The following COL17A1 variants were observed in gnomAD, a reference collection of about 807,000 sequenced individuals.
COL17A1 encodes the protein collagen alpha-1(XVII) chain.
COL17A1 carries 181 observed loss-of-function variants against 218.4 expected under a neutral mutation model. That is an observed-to-expected ratio of 0.83 (90% CI 0.73 to 0.94). The LOEUF (loss-of-function observed/expected upper bound fraction) is 0.94, where lower values mean the gene tolerates loss of function less well. Ranked by LOEUF, COL17A1 falls within the 40% of genes least tolerant of loss-of-function variation. COL17A1 has a pLI of 0.00. For missense variants in COL17A1, 1,924 were observed against 1,945.9 expected (o/e 0.99, Z 0.21); for synonymous variants, 721 against 731.0 (o/e 0.99, Z 0.22).
In COL17A1 at chr10:104,032,256, T is replaced by A. The variant is rs763164002; in HGVS notation, c.4473A>T (p.Arg1491Ser). ...DQVYAGRRRR[R>S]SIAVKP ...TAGCTCACGGCTTGACAGCAATACT[T>A]CTTCTCCTTCTCCGCCCAGCATAGA... The change falls in exon 56 of 56, where the codon AGA becomes AGT. Residue 1491 changes from arginine to serine, a missense_variant. Arg to Ser is a moderately radical substitution (Grantham distance 110). Transcript: ENST00000648076. 163 of 1,613,870 alleles carry A rather than the reference T, an allele frequency of 1.0e-4. No homozygotes were observed. The highest frequency in any genetic ancestry group is 1.3e-4 in the Admixed American group (8 of 59,972).
chr10:104,035,911 A>AGC (rs1554846981), intron 48 of COL17A1, among the ~76,000 whole-genome samples: 20 of 135,272 alleles, frequency 1.5e-4, no homozygotes, highest in Non-Finnish European at 2.7e-4. Context: ...TGTGTATGGG[A>AGC]GTGTGTATGA....
At chr10:104,061,318 T>A in intron 13 of COL17A1, 87 bp downstream of exon 13, 5 of 1,311,094 alleles carry the variant, frequency 3.8e-6, no homozygotes, top group Non-Finnish European at 5.4e-6. Context: ...ATACCATGTG[T>A]ATTGGAAGGA....
chr10:104,053,745 G>A lies in COL17A1; in HGVS notation c.1834+175C>T, dbSNP rs367807443. Among the ~76,000 whole-genome samples the A allele has an allele frequency of 4.6e-5, 7 of 152,214 alleles. No individual in the cohort carries two copies. The East Asian group carries it at 5.8e-4, about 13-fold the overall frequency. Reference sequence around the variant, plus strand: ...GACTTCACTATTTCTCACAGTTACTGTCTTTCTCCCAAACCCAAATCTCAG... The same window carrying A: ...GACTTCACTATTTCTCACAGTTACTATCTTTCTCCCAAACCCAAATCTCAG... On this transcript the variant is annotated intron_variant, in intron 22 of 55. Coordinates refer to ENST00000648076, the MANE Select transcript of COL17A1 (RefSeq NM_000494.4).
intron 31 of COL17A1, among the ~76,000 whole-genome samples, chr10:104,047,457 C>T (rs1395464108): frequency 1.3e-5 from 2 of 152,174 alleles, no homozygotes; most frequent in Non-Finnish European, 1.5e-5. Flanking sequence ...TTCTGAATTG[C>T]CAGACTTAGT....
intron 9 of COL17A1, among the ~76,000 whole-genome samples, chr10:104,066,531 C>A (rs805710): frequency 6.6e-6 from 1 of 151,922 alleles, no homozygotes; most frequent in Non-Finnish European, 1.5e-5. Flanking sequence ...GGGTTATGCT[C>A]TTTGTTAAAT....
At chr10:104,047,195 A>G (rs1395121976) in intron 31 of COL17A1, among the ~76,000 whole-genome samples, 1 of 151,446 alleles carries the variant, frequency 6.6e-6, no homozygotes, top group East Asian at 2.0e-4. Context: ...CCTTGACCAC[A>G]CAGCTTTCTT....
In COL17A1 at chr10:104,048,088, G is replaced by T; in HGVS notation, c.2244C>A (p.Asp748Glu). The part of the protein sequence containing the change: ...AKGAMGPAGP[D>E]GHQGPRGEQG... ...ACCAACCTCTTGGGCCTTGGTGTCC[G>T]TCTGGGCCAGCAGGACCTGGTAAAG... The change falls in exon 30 of 56, where the codon GAC becomes GAA. Residue 748 changes from aspartate (D) to glutamate (E), a missense_variant. Asp to Glu is a conservative substitution (Grantham distance 45). Transcript: ENST00000648076. 6.2e-7 allele frequency: 1 copy of T among 1,614,206 alleles called. No individual in the cohort carries two copies. The highest frequency in any genetic ancestry group is 8.5e-7 in the Non-Finnish European group (1 of 1,180,032).
chr10:104,057,576 C>T (rs2086542701), intron 16 of COL17A1, among the ~76,000 whole-genome samples: 1 of 151,212 alleles, frequency 6.6e-6, no homozygotes. Flanking sequence ...TCTGACTGGG[C>T]CCAAACCTAG....
intron 35 of COL17A1, among the ~76,000 whole-genome samples, chr10:104,042,898 A>AT (rs2086374764): frequency 6.6e-6 from 1 of 152,222 alleles, no homozygotes; most frequent in Non-Finnish European, 1.5e-5. Context: ...ATGTGTGGGC[A>AT]TTTTATTTTC....
rs138210414 is a variant in COL17A1 at position 104,034,241 on chromosome 10, G to A, written c.3860C>T (p.Ser1287Phe). Residue 1287 changes from serine to phenylalanine, a missense_variant, in exon 52 of 56, where the codon TCC becomes TTC. Transcript: ENST00000648076. ...GGAGGAGCTGCTACCCCGACTGTGG[G>A]AGGCATCCGTGGACAGGAGGCGGCT... ...GDSRLLSTDA[S>F]HSRGSSSSSH... is the part of the protein sequence containing the mutation. The A allele has an allele frequency of 3.1e-6, 5 of 1,610,982 alleles. No individual in the cohort carries two copies. Among genetic ancestry groups the A allele is most frequent in the Middle Eastern group, 1.9e-4 (1 of 5,150 alleles).
intron 45 of COL17A1, among the ~76,000 whole-genome samples, chr10:104,038,195 AG>A (rs1564672520): frequency 6.6e-6 from 1 of 151,224 alleles, no homozygotes; most frequent in African/African-American, 2.4e-5. Context: ...CTGGCTCTGC[AG>A]GGGGAAGACC....
intron 14 of COL17A1, 41 bp downstream of exon 14, chr10:104,060,078 G>A (rs2086568188): frequency 5.0e-6 from 8 of 1,612,840 alleles, no homozygotes; most frequent in African/African-American, 2.7e-5. Context: ...TACACTATTT[G>A]GCTTTCTTCT....
At chr10:104,077,019 C>T (rs755023742) in intron 4 of COL17A1, among the ~76,000 whole-genome samples, 58 of 152,244 alleles carry the variant, frequency 3.8e-4, no homozygotes, top group South Asian at 2.1e-4. Flanking sequence ...AAGTTTCTTT[C>T]GTTGTTAATT....
chr10:104,068,365 A>C (rs1162645791), intron 9 of COL17A1, among the ~76,000 whole-genome samples: 1 of 152,244 alleles, frequency 6.6e-6, no homozygotes, highest in Non-Finnish European at 1.5e-5. Context: ...ACCCCATTAC[A>C]TAATGGGATG....
rs766412954 is a variant in COL17A1 at position 104,058,139 on chromosome 10, C to T, written c.1267+7G>A. ...CTGTCACTGCAGGGTTCGCGGTTCT[C>T]ACCCACCTGCAGTGGTGGTCTTGCC... On this transcript the variant is annotated splice_region_variant and intron_variant, in intron 16 of 55. Transcript: ENST00000648076. The T allele has an allele frequency of 1.2e-6, 2 of 1,614,210 alleles. No homozygotes were observed. Among genetic ancestry groups the T allele is most frequent in the Non-Finnish European group, 1.7e-6 (2 of 1,180,048 alleles).
At chr10:104,064,298 G>T (rs976110552) in intron 10 of COL17A1, 140 bp downstream of exon 10, 1 of 1,370,836 alleles carries the variant, frequency 7.3e-7, no homozygotes, top group South Asian at 1.3e-5. Context: ...GTTCCAGGGG[G>T]AATCTCCTGG....
At chr10:104,081,005 C>A (rs2086760198) in intron 1 of COL17A1, among the ~76,000 whole-genome samples, 1 of 152,192 alleles carries the variant, frequency 6.6e-6, no homozygotes. Flanking sequence ...GACTATAAAA[C>A]CTCCATTCTT....
At chr10:104,077,229 C>T (rs1406177208) in intron 4 of COL17A1, among the ~76,000 whole-genome samples, 193 bp downstream of exon 4, 3 of 152,158 alleles carry the variant, frequency 2.0e-5, no homozygotes, top group Non-Finnish European at 2.9e-5. Context: ...GGTCTCCAGC[C>T]CTGCTGCCCA....
At chr10:104,038,320 T>A (rs997960042) in intron 45 of COL17A1, 86 bp downstream of exon 45, 2 of 1,570,436 alleles carry the variant, frequency 1.3e-6, no homozygotes, top group Non-Finnish European at 1.7e-6. Flanking sequence ...CTTAGCCTCA[T>A]TTCTGTGATG....
Sources: allele counts gnomAD v4.1 joint callset (sites outside exome capture counted in the v4.1 genomes callset), GRCh38; gene constraint gnomAD v4.1.1; transcripts MANE v1.5; gene names NCBI Gene and HGNC (gene_info 2026-07-23, HGNC 2026-07-21).